Variants in RBFOX1 observed in about 807,000 individuals in gnomAD.
RBFOX1 encodes RNA binding protein fox-1 homolog 1.
Under a neutral mutation model 57.7 loss-of-function variants are expected in RBFOX1, and 8 were observed. The observed-to-expected ratio is 0.14, with a 90% CI of 0.08 to 0.25. The LOEUF (loss-of-function observed/expected upper bound fraction) is 0.25, where lower values mean the gene tolerates loss of function less well. Ranked by LOEUF, RBFOX1 falls within the 10% of genes least tolerant of loss-of-function variation. RBFOX1 has a pLI of 1.00. For missense variants in RBFOX1, 611 were observed against 548.5 expected (o/e 1.11, Z -1.14); for synonymous variants, 326 against 222.4 (o/e 1.47, Z -4.15).
At chr16:6,000,035 G>A (rs932287689) in intron 4 of RBFOX1, among the ~76,000 whole-genome samples, 1 of 152,060 alleles carries the variant, frequency 6.6e-6, no homozygotes, top group African/African-American at 2.4e-5. Context: ...TTTTTAGGCA[G>A]GCTGTGTGGG....
chr16:5,244,626 A>G (rs73526022), intron 1 of RBFOX1, among the ~76,000 whole-genome samples: 6,647 of 152,344 alleles, frequency 0.044, 413 homozygotes, highest in African/African-American at 0.14. Context: ...TGAAGCTGAC[A>G]TGAAGACATG....
At chr16:6,737,341 T>G (rs748095592) in intron 3 of RBFOX1, among the ~76,000 whole-genome samples, 3 of 148,738 alleles carry the variant, frequency 2.0e-5, no homozygotes, top group Non-Finnish European at 4.5e-5. Flanking sequence ...AGTATAAAAA[T>G]GCATCAGTTT....
At chr16:6,717,391 C>T (rs2065039856) in intron 3 of RBFOX1, among the ~76,000 whole-genome samples, 1 of 152,138 alleles carries the variant, frequency 6.6e-6, no homozygotes, top group African/African-American at 2.4e-5. Context: ...CATCTTCCTA[C>T]AGAGTCTTTT....
chr16:6,318,159 A>G (rs1425044826), intron 2 of RBFOX1, among the ~76,000 whole-genome samples: 3 of 152,204 alleles, frequency 2.0e-5, no homozygotes, highest in Non-Finnish European at 4.4e-5. Flanking sequence ...AAGATGGTGT[A>G]TTAGCTGTTA....
At chr16:6,930,624 G>T (rs1228128061) in intron 3 of RBFOX1, among the ~76,000 whole-genome samples, 3 of 152,112 alleles carry the variant, frequency 2.0e-5, no homozygotes, top group African/African-American at 4.8e-5. Context: ...TGGCCAGGCT[G>T]GTCTTGAGCT....
chr16:6,975,906 A>G (rs1282457857), intron 3 of RBFOX1, among the ~76,000 whole-genome samples: 3 of 152,090 alleles, frequency 2.0e-5, no homozygotes, highest in Non-Finnish European at 4.4e-5. Context: ...GTAGGTGGTC[A>G]CTTGAGGTCA....
At chr16:5,636,525 A>T (rs1476874280) in intron 3 of RBFOX1, among the ~76,000 whole-genome samples, 1 of 145,822 alleles carries the variant, frequency 6.9e-6, no homozygotes, top group African/African-American at 2.4e-5. Flanking sequence ...TGGGTCATGG[A>T]GATGGCCAGT....
At chr16:5,538,962 T>C (rs1000824870) in intron 2 of RBFOX1, among the ~76,000 whole-genome samples, 4 of 152,094 alleles carry the variant, frequency 2.6e-5, no homozygotes, top group Non-Finnish European at 5.9e-5. Flanking sequence ...GCAAAGCCAA[T>C]CGTGTGAAAC....
intron 4 of RBFOX1, among the ~76,000 whole-genome samples, chr16:7,083,608 C>A (rs934595200): frequency 1.4e-4 from 22 of 152,078 alleles, no homozygotes; most frequent in Non-Finnish European, 2.9e-5. Flanking sequence ...AACTCAGATG[C>A]ACAAGAAACA....
intron 3 of RBFOX1, among the ~76,000 whole-genome samples, chr16:6,719,297 A>G (rs1420501829): frequency 6.6e-6 from 1 of 152,192 alleles, no homozygotes; most frequent in African/African-American, 2.4e-5. Flanking sequence ...AAAAAAGAGG[A>G]AAAAATAGCC....
intron 3 of RBFOX1, among the ~76,000 whole-genome samples, chr16:6,976,700 T>G (rs1339179252): frequency 6.7e-6 from 1 of 148,342 alleles, no homozygotes; most frequent in Non-Finnish European, 1.5e-5. Flanking sequence ...ATAGCATACA[T>G]ATCATATAGC....
chr16:7,665,770 A>G (rs2069066951), intron 13 of RBFOX1, among the ~76,000 whole-genome samples: 1 of 152,196 alleles, frequency 6.6e-6, no homozygotes. Context: ...TTTATTACAA[A>G]AGACCTCAGT....
intron 4 of RBFOX1, among the ~76,000 whole-genome samples, chr16:5,932,433 A>G (rs2059080425): frequency 6.6e-6 from 1 of 152,138 alleles, no homozygotes; most frequent in East Asian, 1.9e-4. Flanking sequence ...CTCCAGATGA[A>G]AATTCAGCAA....
intron 3 of RBFOX1, among the ~76,000 whole-genome samples, chr16:5,811,985 T>C (rs1463407911): frequency 6.6e-6 from 1 of 152,202 alleles, no homozygotes; most frequent in Non-Finnish European, 1.5e-5. Context: ...ACTGATCTGA[T>C]TTCTATCTCT....
intron 3 of RBFOX1, among the ~76,000 whole-genome samples, chr16:5,794,960 C>T (rs1289396024): frequency 6.6e-6 from 1 of 152,208 alleles, no homozygotes; most frequent in African/African-American, 2.4e-5. Flanking sequence ...CCACTCTCAT[C>T]TCACTGGGTC....
Position 6,575,346 on chromosome 16 carries a change from C to T in RBFOX1, c.-63-79257C>T, listed in dbSNP as rs563468260. Reference sequence around the variant, plus strand: ...CTTCAAATTTAAATGGATACTAAGTCCTCTCAACATTGTCTATAGATTGCT... The same window carrying T: ...CTTCAAATTTAAATGGATACTAAGTTCTCTCAACATTGTCTATAGATTGCT... On this transcript the variant is annotated intron_variant, in intron 2 of 15. Transcript: ENST00000550418. Among the ~76,000 whole-genome samples the T allele has an allele frequency of 2.6e-5, 4 of 152,162 alleles. No homozygotes were observed. In the South Asian group the frequency reaches 6.2e-4, roughly 24 times the overall value.
At chr16:7,319,949 G>T (rs1024858830) in intron 4 of RBFOX1, among the ~76,000 whole-genome samples, 1 of 152,198 alleles carries the variant, frequency 6.6e-6, no homozygotes, top group Non-Finnish European at 1.5e-5. Flanking sequence ...TTGGCACATA[G>T]TGAGACCTAG....
At chr16:7,566,334 C>T (rs2091683604) in intron 5 of RBFOX1, among the ~76,000 whole-genome samples, 2 of 152,122 alleles carry the variant, frequency 1.3e-5, no homozygotes, top group African/African-American at 2.4e-5. Flanking sequence ...CCAGCCCAGA[C>T]CTAGAACATA....
At chr16:7,526,914 C>G (rs1463000407) in intron 5 of RBFOX1, among the ~76,000 whole-genome samples, 1 of 152,292 alleles carries the variant, frequency 6.6e-6, no homozygotes, top group African/African-American at 2.4e-5. Context: ...GCTGGAAGCC[C>G]AGAAGGCATC....
Sources: gnomAD v4.1 joint callset for allele counts (sites outside exome capture counted in the v4.1 genomes callset) on GRCh38, gnomAD v4.1.1 for gene constraint, MANE v1.5 for transcripts, NCBI Gene and HGNC (gene_info 2026-07-23, HGNC 2026-07-21) for gene names.